Variants in FNIP1 observed in about 807,000 individuals in gnomAD.
FNIP1 encodes folliculin-interacting protein 1.
In FNIP1, 40 loss-of-function variants were observed where a neutral mutation model predicts 124.5. The ratio of observed to expected loss-of-function variants is 0.32; its 90% CI spans 0.25 to 0.42. The LOEUF (loss-of-function observed/expected upper bound fraction) is 0.42. FNIP1 is among the 10% of genes least tolerant of loss of function. FNIP1 has a pLI of 1.00. For synonymous variants in FNIP1, 472 were observed against 470.6 expected (o/e 1.00, Z -0.04); for missense variants, 1,176 against 1,403.7 (o/e 0.84, Z 2.59).
chr5:131,719,538 C>G lies in FNIP1; in HGVS notation c.355-121G>C. 6.5e-6 allele frequency: 5 copies of G among 765,538 alleles called. No individual in the cohort carries two copies. In the South Asian group the frequency reaches 1.1e-4, roughly 18 times the overall value. 47.4% of individuals were successfully genotyped at this position (765,538 alleles called of 1,614,324 possible). On this transcript the variant is annotated intron_variant, in intron 3 of 17. Coordinates refer to ENST00000510461, the MANE Select transcript of FNIP1 (RefSeq NM_133372.3). ...CTACATTAAGAGTTGTACTTCTACACTGTATACGCTGTTCTGCAACTCGAT... is the reference window on the plus strand; with the variant it reads ...CTACATTAAGAGTTGTACTTCTACAGTGTATACGCTGTTCTGCAACTCGAT...
intron 1 of FNIP1, among the ~76,000 whole-genome samples, chr5:131,788,931 A>C (rs1561709985): frequency 1.3e-5 from 2 of 152,204 alleles, no homozygotes; most frequent in Non-Finnish European, 2.9e-5. Context: ...ATCCAAAAGA[A>C]AGAAAATTAG....
At chr5:131,777,092 T>C (rs1212247994) in intron 1 of FNIP1, among the ~76,000 whole-genome samples, 1 of 151,882 alleles carries the variant, frequency 6.6e-6, no homozygotes, top group East Asian at 1.9e-4. Flanking sequence ...TAAGATATAT[T>C]AGCAGGGCAC....
intron 13 of FNIP1, among the ~76,000 whole-genome samples, chr5:131,675,358 C>T (rs538794098): frequency 9.2e-5 from 14 of 152,284 alleles, no homozygotes; most frequent in Non-Finnish European, 1.9e-4. Context: ...CTTAGACTGT[C>T]GACTTCTTGA....
At chr5:131,671,105 A>T (rs1307251088) in intron 14 of FNIP1, among the ~76,000 whole-genome samples, 4 of 152,166 alleles carry the variant, frequency 2.6e-5, no homozygotes, top group African/African-American at 4.8e-5. Context: ...TGCATACTTG[A>T]CCCAAAGTAT....
At chr5:131,748,111 G>A (rs1192071052) in intron 1 of FNIP1, among the ~76,000 whole-genome samples, 4 of 151,868 alleles carry the variant, frequency 2.6e-5, no homozygotes, top group African/African-American at 7.3e-5. Context: ...TAAGATGTGG[G>A]GATAGTAGAG....
chr5:131,685,990 G>A (rs983707819), intron 11 of FNIP1, among the ~76,000 whole-genome samples: 1 of 152,136 alleles, frequency 6.6e-6, no homozygotes, highest in African/African-American at 2.4e-5. Context: ...AAAGAGCACA[G>A]GCACTGGTGG....
intron 1 of FNIP1, among the ~76,000 whole-genome samples, chr5:131,758,054 T>C (rs1771106305): frequency 6.6e-6 from 1 of 152,174 alleles, no homozygotes; most frequent in South Asian, 2.1e-4. Flanking sequence ...AGTTGTGACA[T>C]GGAAATCTAT....
chr5:131,748,070 A>T (rs1291284804), intron 1 of FNIP1, among the ~76,000 whole-genome samples: 1 of 151,936 alleles, frequency 6.6e-6, no homozygotes, highest in Admixed American at 6.6e-5. Context: ...TTTCTTTGTC[A>T]AGCAGGTGAA....
chr5:131,691,318 A>C (rs572648501), intron 11 of FNIP1, among the ~76,000 whole-genome samples: 2 of 152,350 alleles, frequency 1.3e-5, no homozygotes, highest in South Asian at 4.1e-4. Context: ...TCAACTTATC[A>C]ATACTTGTGA....
chr5:131,794,632 T>C (rs1772517053), intron 1 of FNIP1, among the ~76,000 whole-genome samples: 1 of 151,990 alleles, frequency 6.6e-6, no homozygotes, highest in Non-Finnish European at 1.5e-5. Flanking sequence ...TACCATTCAG[T>C]GATAAAATTG....
intron 13 of FNIP1, chr5:131,677,463 G>C: frequency 2.5e-6 from 1 of 406,920 alleles, no homozygotes. Flanking sequence ...GAAGTTACTA[G>C]TAAACGAGCT....
intron 15 of FNIP1, among the ~76,000 whole-genome samples, chr5:131,654,867 A>T (rs1767146190): frequency 6.6e-6 from 1 of 152,184 alleles, no homozygotes. Context: ...CCAAAAATAT[A>T]CCTTGGGAAG....
chr5:131,773,852 G>C (rs758324), intron 1 of FNIP1, among the ~76,000 whole-genome samples: 1 of 151,964 alleles, frequency 6.6e-6, no homozygotes, highest in African/African-American at 2.4e-5. Flanking sequence ...AGAGGGGTAT[G>C]TGGCAGGAAA....
chr5:131,723,867 C>G (rs768037928), intron 3 of FNIP1, among the ~76,000 whole-genome samples: 4 of 151,820 alleles, frequency 2.6e-5, no homozygotes, highest in African/African-American at 9.7e-5. Context: ...CCTAGCCCCC[C>G]ACCCCCCAAT....
At chr5:131,670,225 A>G (rs1386928608) in intron 15 of FNIP1, among the ~76,000 whole-genome samples, 1 of 152,218 alleles carries the variant, frequency 6.6e-6, no homozygotes, top group Non-Finnish European at 1.5e-5. Context: ...GTTGATGGAC[A>G]TCCATGAATA....
intron 2 of FNIP1, among the ~76,000 whole-genome samples, chr5:131,738,605 T>G (rs1215099528): frequency 6.6e-6 from 1 of 152,094 alleles, no homozygotes; most frequent in Non-Finnish European, 1.5e-5. Context: ...GATCAAGCAA[T>G]TCTCGTGTCT....
chr5:131,751,571 GAA>G (rs547210498), intron 1 of FNIP1, among the ~76,000 whole-genome samples: 2 of 126,806 alleles, frequency 1.6e-5, no homozygotes, highest in Admixed American at 8.2e-5. Flanking sequence ...TCCACAATCT[GAA>G]AAAAAAAAAA....
intron 3 of FNIP1, among the ~76,000 whole-genome samples, chr5:131,720,300 C>G (rs771885355): frequency 3.3e-5 from 5 of 152,042 alleles, no homozygotes; most frequent in Non-Finnish European, 7.4e-5. Flanking sequence ...TATCCACATG[C>G]GAAAGAATAA....
chr5:131,732,414 T>A (rs971295864), intron 2 of FNIP1, among the ~76,000 whole-genome samples: 1 of 152,240 alleles, frequency 6.6e-6, no homozygotes, highest in Non-Finnish European at 1.5e-5. Flanking sequence ...CATGCCTATG[T>A]CCTGAATGGT....
Sources: allele counts gnomAD v4.1 joint callset (sites outside exome capture counted in the v4.1 genomes callset), GRCh38; gene constraint gnomAD v4.1.1; transcripts MANE v1.5; gene names NCBI Gene and HGNC (gene_info 2026-07-23, HGNC 2026-07-21).